The following SPIRE1 variants were observed in gnomAD, a reference collection of about 807,000 sequenced individuals.
The protein encoded by SPIRE1 is spire type actin nucleation factor 1, also known as protein spire homolog 1.
A neutral mutation model predicts 94.1 loss-of-function variants in SPIRE1; 40 were observed. That is an observed-to-expected ratio of 0.43 (90% CI 0.33 to 0.55). SPIRE1 has a LOEUF of 0.55. Among genes scored for constraint, SPIRE1 ranks in the 20% least tolerant of loss-of-function variants. The pLI, the probability that SPIRE1 is intolerant of heterozygous loss-of-function variation, is 0.06. For synonymous variants in SPIRE1, 376 were observed against 371.7 expected (o/e 1.01, Z -0.13); for missense variants, 838 against 975.2 (o/e 0.86, Z 1.87).
intron 2 of SPIRE1, among the ~76,000 whole-genome samples, chr18:12,586,498 T>C (rs1212685252): frequency 6.6e-6 from 1 of 152,176 alleles, no homozygotes; most frequent in Admixed American, 6.5e-5. Flanking sequence ...AATAATAGCT[T>C]TTCTCAAGTC....
intron 4 of SPIRE1, among the ~76,000 whole-genome samples, chr18:12,534,490 T>C (rs535789267): frequency 2.6e-5 from 4 of 152,234 alleles, no homozygotes; most frequent in Non-Finnish European, 5.9e-5. Context: ...TACCAGAGGA[T>C]ACTAGTGTGT....
At chr18:12,616,189 A>G (rs1401724922) in intron 2 of SPIRE1, among the ~76,000 whole-genome samples, 1 of 152,236 alleles carries the variant, frequency 6.6e-6, no homozygotes, top group African/African-American at 2.4e-5. Flanking sequence ...CTCTGTAAAA[A>G]TAACAGTGGC....
rs540255634 is a variant in SPIRE1, at chr18:12,459,750, C to A, written c.1638+3601G>T. ...TAATCCCAGACCCAGCAGAAAGAGG[C>A]CAACCTTTGAGGATTTCCACCTGCT... On this transcript the variant is annotated intron_variant, in intron 12 of 16. Transcript: ENST00000409402. The A allele has an allele frequency of 6.1e-6, 6 of 985,822 alleles. No homozygotes were observed. In the South Asian group the frequency reaches 2.3e-4, roughly 39 times the overall value. The allele number at this position is 985,822 out of a possible 1,614,324, so 61.1% of individuals were successfully genotyped here.
At chr18:12,546,604 G>A (rs34933611) in intron 3 of SPIRE1, 70 bp downstream of exon 3, 4 of 1,176,366 alleles carry the variant, frequency 3.4e-6, no homozygotes, top group East Asian at 2.4e-5. Flanking sequence ...ATCTCTCCAG[G>A]GGGGGAAAAA....
chr18:12,458,056 G>C (rs11875833), intron 12 of SPIRE1, among the ~76,000 whole-genome samples: 6,517 of 151,020 alleles, frequency 0.043, 420 homozygotes, highest in African/African-American at 0.14. Flanking sequence ...GTGTTAGCCA[G>C]GATGGTCTCG....
chr18:12,656,752 C>G, intron 1 of SPIRE1: 1 of 894,564 alleles, frequency 1.1e-6, no homozygotes, highest in Non-Finnish European at 1.3e-6. Flanking sequence ...CTATAAATTA[C>G]TGTTTAGGTC....
chr18:12,489,103 G>C (rs1044752671), intron 8 of SPIRE1, among the ~76,000 whole-genome samples: 1 of 152,162 alleles, frequency 6.6e-6, no homozygotes, highest in African/African-American at 2.4e-5. Flanking sequence ...CAGGAGAATG[G>C]TGTCAACCTA....
At chr18:12,511,438 G>C (rs2034033209) in intron 5 of SPIRE1, among the ~76,000 whole-genome samples, 1 of 152,190 alleles carries the variant, frequency 6.6e-6, no homozygotes, top group Non-Finnish European at 1.5e-5. Flanking sequence ...CTGATGATCT[G>C]AGGTGGAACA....
rs1218548324 is a variant in SPIRE1, at chr18:12,467,505, G to A, written c.1405-2547C>T. Among the ~76,000 whole-genome samples the A allele has an allele frequency of 2.0e-5, 3 of 152,280 alleles. No homozygotes were observed. The East Asian group carries it at 5.8e-4, about 29-fold the overall frequency. ...AAGCAGAGAGTGTCTCTTAGAAAAG[G>A]AACAAAGGAGTCATATACAGTACTT... is the stretch of plus-strand genomic sequence containing the variant. On this transcript the variant is annotated intron_variant, in intron 10 of 16. Coordinates refer to ENST00000409402, the MANE Select transcript of SPIRE1 (RefSeq NM_001128626.2).
intron 2 of SPIRE1, among the ~76,000 whole-genome samples, chr18:12,558,215 G>A (rs1427899004): frequency 6.6e-6 from 1 of 152,170 alleles, no homozygotes; most frequent in East Asian, 1.9e-4. Flanking sequence ...AGTTTCTTCT[G>A]GTGGGTTCCT....
intron 1 of SPIRE1, among the ~76,000 whole-genome samples, chr18:12,650,363 A>G (rs976070340): frequency 1.3e-5 from 2 of 152,136 alleles, no homozygotes; most frequent in Non-Finnish European, 2.9e-5. Flanking sequence ...GTTCCAAACA[A>G]AACTAGGCAA....
At chr18:12,517,566 C>T (rs982481515) in intron 4 of SPIRE1, among the ~76,000 whole-genome samples, 4 of 152,100 alleles carry the variant, frequency 2.6e-5, no homozygotes, top group Non-Finnish European at 5.9e-5. Context: ...AATGTAATAA[C>T]AGATGTCAAC....
At chr18:12,576,813 C>A (rs866990899) in intron 2 of SPIRE1, among the ~76,000 whole-genome samples, 2 of 140,254 alleles carry the variant, frequency 1.4e-5, no homozygotes, top group Non-Finnish European at 3.0e-5. Context: ...TGCTCGAACC[C>A]GGGAGGTGAA....
intron 2 of SPIRE1, among the ~76,000 whole-genome samples, chr18:12,630,489 T>G (rs1432767415): frequency 1.3e-5 from 2 of 152,114 alleles, no homozygotes; most frequent in Non-Finnish European, 2.9e-5. Flanking sequence ...CAAAACTCCA[T>G]CTCTACTAAA....
chr18:12,552,206 C>T (rs1315772392), intron 2 of SPIRE1, among the ~76,000 whole-genome samples: 1 of 152,174 alleles, frequency 6.6e-6, no homozygotes, highest in African/African-American at 2.4e-5. Context: ...ACTTGAAAGG[C>T]ACTCTAAGCC....
chr18:12,549,418 T>TTGTG, intron 2 of SPIRE1, among the ~76,000 whole-genome samples: 1 of 148,786 alleles, frequency 6.7e-6, no homozygotes, highest in South Asian at 2.1e-4. Context: ...GTTTTGCTTT[T>TTGTG]TGTTTGTTTT....
intron 2 of SPIRE1, among the ~76,000 whole-genome samples, chr18:12,558,892 A>AGT (rs2035600500): frequency 6.6e-6 from 1 of 152,202 alleles, no homozygotes. Flanking sequence ...CTAGACACAG[A>AGT]GTGCTGATTG....
intron 1 of SPIRE1, among the ~76,000 whole-genome samples, chr18:12,639,740 T>G (rs918426539): frequency 2.0e-5 from 3 of 147,718 alleles, no homozygotes; most frequent in Non-Finnish European, 4.5e-5. Flanking sequence ...TCAAAATAAA[T>G]AAATAAATAA....
chr18:12,629,643 AAGTGG>A (rs2037723108), intron 2 of SPIRE1, among the ~76,000 whole-genome samples: 1 of 152,166 alleles, frequency 6.6e-6, no homozygotes, highest in South Asian at 2.1e-4. Context: ...GCTAACTACA[AAGTGG>A]CATGGGGGAC....
Sources: allele counts gnomAD v4.1 joint callset (sites outside exome capture counted in the v4.1 genomes callset), GRCh38; gene constraint gnomAD v4.1.1; transcripts MANE v1.5; gene names NCBI Gene and HGNC (gene_info 2026-07-23, HGNC 2026-07-21).